Variants in WDR20 observed in about 807,000 individuals in gnomAD.
WDR20 encodes the protein WD repeat domain 20.
Under a neutral mutation model 38.7 loss-of-function variants are expected in WDR20, and 3 were observed. That is an observed-to-expected ratio of 0.08 (90% CI 0.04 to 0.20). The LOEUF (loss-of-function observed/expected upper bound fraction) is 0.20, where lower values mean the gene tolerates loss of function less well. Among genes scored for constraint, WDR20 ranks in the 10% least tolerant of loss-of-function variants. WDR20 has a pLI of 1.00. For synonymous variants in WDR20, 298 were observed against 285.6 expected (o/e 1.04, Z -0.44); for missense variants, 559 against 727.7 (o/e 0.77, Z 2.67).
At chr14:102,180,520 G>A (rs376954233) in intron 1 of WDR20, among the ~76,000 whole-genome samples, 5 of 152,230 alleles carry the variant, frequency 3.3e-5, no homozygotes, top group South Asian at 4.2e-4. Context: ...CTTAGCCTCC[G>A]GAGTAGCTGG....
chr14:102,139,441 G>T, upstream of WDR20: 1 of 1,506,662 alleles, frequency 6.6e-7, no homozygotes. Context: ...TGCTGGCTCC[G>T]AAGCGGTGGC....
intron 1 of WDR20, among the ~76,000 whole-genome samples, chr14:102,169,805 G>A (rs754044390): frequency 6.6e-6 from 1 of 152,218 alleles, no homozygotes. Flanking sequence ...TGGGATTACA[G>A]GAGTGAGCCA....
intron 1 of WDR20, among the ~76,000 whole-genome samples, chr14:102,155,937 A>ATT (rs372247826): frequency 3.5e-4 from 46 of 133,260 alleles, no homozygotes; most frequent in Non-Finnish European, 4.9e-4. Flanking sequence ...CTAATTTTTA[A>ATT]TTTTTTTTTT....
At chr14:102,200,469 G>T (rs12887572) in intron 2 of WDR20, among the ~76,000 whole-genome samples, 7,566 of 52,050 alleles carry the variant, frequency 0.15, 208 homozygotes, top group African/African-American at 0.18. Flanking sequence ...TTTTTTTTTT[G>T]TGTGTGTGTG....
chr14:102,150,366 C>CG (rs2055356772), intron 1 of WDR20, among the ~76,000 whole-genome samples: 1 of 151,958 alleles, frequency 6.6e-6, no homozygotes, highest in Admixed American at 6.6e-5. Context: ...CCCAGCTACT[C>CG]GGGGCCGAGG....
chr14:102,202,799 A>G (rs2060738319), intron 2 of WDR20, among the ~76,000 whole-genome samples: 1 of 152,152 alleles, frequency 6.6e-6, no homozygotes. Flanking sequence ...GCTGGAGTAC[A>G]GTGGTGTAAT....
At chr14:102,197,527 TG>T (rs2059612381) in intron 2 of WDR20, among the ~76,000 whole-genome samples, 1 of 152,190 alleles carries the variant, frequency 6.6e-6, no homozygotes, top group African/African-American at 2.4e-5. Flanking sequence ...CCTTCAAAGC[TG>T]GAGGAACAAC....
chr14:102,189,347 A>T (rs996891657), intron 1 of WDR20, among the ~76,000 whole-genome samples: 1 of 152,150 alleles, frequency 6.6e-6, no homozygotes, highest in Admixed American at 6.5e-5. Flanking sequence ...ATCACTTAAA[A>T]TTTTTCTATT....
At chr14:102,154,657 T>C (rs1595931772) in intron 1 of WDR20, among the ~76,000 whole-genome samples, 2 of 152,220 alleles carry the variant, frequency 1.3e-5, no homozygotes, top group East Asian at 3.8e-4. Context: ...TTCTGTCTTA[T>C]TCATCATTGT....
downstream of WDR20, chr14:102,213,789 G>A (rs1311316331): frequency 2.0e-6 from 2 of 985,302 alleles, no homozygotes; most frequent in East Asian, 1.1e-4. Flanking sequence ...GGAGGGAGAC[G>A]TTTTCTTTCT....
upstream of WDR20, chr14:102,139,780 G>T: frequency 7.9e-7 from 1 of 1,261,714 alleles, no homozygotes; most frequent in South Asian, 1.4e-5. Context: ...CCTTCCCTTT[G>T]GCCCGCCCTC....
At chr14:102,180,487 C>T (rs973038736) in intron 1 of WDR20, among the ~76,000 whole-genome samples, 2 of 152,166 alleles carry the variant, frequency 1.3e-5, no homozygotes, top group Admixed American at 1.3e-4. Context: ...ATTGCAACTC[C>T]TGGGTTCAAG....
chr14:102,184,023 A>C (rs1173497145), intron 1 of WDR20, among the ~76,000 whole-genome samples: 1 of 152,230 alleles, frequency 6.6e-6, no homozygotes, highest in Non-Finnish European at 1.5e-5. Context: ...CCTTTTCGTC[A>C]GTGTGAGATA....
intron 1 of WDR20, among the ~76,000 whole-genome samples, chr14:102,188,444 A>T (rs1341217546): frequency 2.0e-5 from 3 of 152,228 alleles, no homozygotes; most frequent in Non-Finnish European, 4.4e-5. Flanking sequence ...TGAAGGCATG[A>T]ACTGGAACTG....
intron 1 of WDR20, chr14:102,157,246 A>T (rs558301876): frequency 6.6e-6 from 1 of 152,324 alleles, no homozygotes; most frequent in East Asian, 1.9e-4. Context: ...TGGGCAACAG[A>T]AACCCTGTCT....
intron 1 of WDR20, chr14:102,167,622 CAT>C (rs2152807377): frequency 6.6e-6 from 1 of 152,322 alleles, no homozygotes; most frequent in Admixed American, 6.5e-5. Flanking sequence ...AATCTTAGCT[CAT>C]ATGTAATTTT....
intron 2 of WDR20, among the ~76,000 whole-genome samples, chr14:102,206,868 G>T (rs181331447): frequency 2.0e-5 from 3 of 152,260 alleles, no homozygotes; most frequent in Non-Finnish European, 2.9e-5. Context: ...CATCATCCTT[G>T]CACCTCCCTC....
intron 2 of WDR20, among the ~76,000 whole-genome samples, chr14:102,202,636 T>C (rs1418390597): frequency 6.6e-6 from 1 of 152,132 alleles, no homozygotes; most frequent in East Asian, 1.9e-4. Flanking sequence ...CGCCTTGGCC[T>C]CCCAAAGTAC....
downstream of WDR20, among the ~76,000 whole-genome samples, chr14:102,219,249 G>A (rs187883176): frequency 9.8e-5 from 15 of 152,344 alleles, no homozygotes; most frequent in South Asian, 2.1e-4. Flanking sequence ...TTTGAATGGC[G>A]CTTTTTCCTC....
Sources: gnomAD v4.1 joint callset for allele counts (sites outside exome capture counted in the v4.1 genomes callset) on GRCh38, gnomAD v4.1.1 for gene constraint, MANE v1.5 for transcripts, NCBI Gene and HGNC (gene_info 2026-07-23, HGNC 2026-07-21) for gene names.